HDAC4: variants seen among roughly 807,000 people sequenced by gnomAD.
The protein encoded by HDAC4 is histone deacetylase A.
A neutral mutation model predicts 135.1 loss-of-function variants in HDAC4; 16 were observed. The observed-to-expected ratio is 0.12, with a 90% CI of 0.08 to 0.18. The LOEUF (loss-of-function observed/expected upper bound fraction) is 0.18, where lower values mean the gene tolerates loss of function less well. Among genes scored for constraint, HDAC4 ranks in the 10% least tolerant of loss-of-function variants. The probability of loss-of-function intolerance (pLI) is 1.00; values close to 1 mark genes in which losing one functional copy is unlikely to be tolerated. For missense variants in HDAC4, 1,143 were observed against 1,511.8 expected (o/e 0.76, Z 4.05); for synonymous variants, 685 against 653.4 (o/e 1.05, Z -0.74).
At chr2:239,263,303 G>C (rs1326853168) in intron 2 of HDAC4, among the ~76,000 whole-genome samples, 1 of 110,978 alleles carries the variant, frequency 9.0e-6, no homozygotes, top group African/African-American at 3.9e-5. Flanking sequence ...CAGCTGTCTC[G>C]AAGCCCACCC....
intron 14 of HDAC4, among the ~76,000 whole-genome samples, chr2:239,110,635 A>C (rs1408075346): frequency 6.6e-6 from 1 of 152,244 alleles, no homozygotes; most frequent in African/African-American, 2.4e-5. Flanking sequence ...AGACTGCAGA[A>C]CACTAAGCCA....
Position 239,115,473 on chromosome 2 carries a change from A to G in HDAC4, c.1534-163T>C, listed in dbSNP as rs547881263. ...CCAGCAGGCACCTTTATCTCCCAAC[A>G]GGCACTGGGGTGCCTGAGTGCCTAA... is the stretch of plus-strand genomic sequence containing the variant. On this transcript the variant is annotated intron_variant, in intron 12 of 26. Coordinates refer to ENST00000543185, the MANE Select transcript of HDAC4 (RefSeq NM_001378414.1). The surrounding 1 kb of genome is among the most constrained non-coding windows in gnomAD (Gnocchi z 6.3). 1.3e-5 allele frequency among the ~76,000 whole-genome samples: 2 copies of G among 152,288 alleles called. No homozygotes were observed. The highest frequency in any genetic ancestry group is 3.9e-4 in the East Asian group (2 of 5,164).
chr2:239,206,449 T>C (rs1356904322), intron 3 of HDAC4, among the ~76,000 whole-genome samples: 1 of 150,494 alleles, frequency 6.6e-6, no homozygotes, highest in Non-Finnish European at 1.5e-5. Context: ...CCAAAAGAGG[T>C]GCACCATTGC....
chr2:239,375,788 G>T (rs747696339), intron 1 of HDAC4, among the ~76,000 whole-genome samples: 2 of 152,222 alleles, frequency 1.3e-5, no homozygotes, highest in Non-Finnish European at 2.9e-5. Context: ...CCCCCAGGGG[G>T]CCTGGGGAGT....
intron 11 of HDAC4, among the ~76,000 whole-genome samples, chr2:239,130,923 C>T (rs967388801): frequency 3.3e-5 from 5 of 152,204 alleles, no homozygotes; most frequent in African/African-American, 1.2e-4. Context: ...AGTTTTGCGT[C>T]CAACTAAAGC....
chr2:239,275,491 G>A (rs935296505), intron 2 of HDAC4, among the ~76,000 whole-genome samples: 1 of 152,228 alleles, frequency 6.6e-6, no homozygotes, highest in Non-Finnish European at 1.5e-5. Flanking sequence ...CTGCAAATGT[G>A]ATGGCAGTGG....
chr2:239,352,966 T>G lies in HDAC4; in HGVS notation c.-219-48A>C. On this transcript the variant is annotated intron_variant, in intron 1 of 26. Transcript: ENST00000543185. This position sits in a 1 kb window ranked among gnomAD's most constrained non-coding sequence, Gnocchi z 4.4. The stretch of plus-strand genomic sequence containing the variant: ...GAGACTGGAGTTACAACATGGAAGT[T>G]CCGATCTGGAAAACAACATCCAACT... 1 of 499,284 alleles carries G rather than the reference T, an allele frequency of 2.0e-6. No homozygotes were observed. Among genetic ancestry groups the G allele is most frequent in the African/African-American group, 1.9e-5 (1 of 51,774 alleles). 30.9% of individuals were successfully genotyped at this position (499,284 alleles called of 1,614,324 possible). A position where few individuals can be genotyped will look rare whatever the true frequency, so the allele number is the denominator to read the frequency against.
intron 22 of HDAC4, among the ~76,000 whole-genome samples, chr2:239,079,094 G>A (rs2035044318): frequency 6.6e-6 from 1 of 152,148 alleles, no homozygotes; most frequent in Non-Finnish European, 1.5e-5. Flanking sequence ...CAGTTCTCTG[G>A]GGTGACAACT....
intron 6 of HDAC4, 149 bp downstream of exon 6, chr2:239,163,653 AT>A (rs1265760546): frequency 1.2e-6 from 1 of 852,934 alleles, no homozygotes; most frequent in African/African-American, 1.7e-5. Context: ...CGTCACCCAC[AT>A]CCGAGCACCA....
chr2:239,110,830 T>G (rs145009037), intron 14 of HDAC4, among the ~76,000 whole-genome samples: 1,534 of 152,334 alleles, frequency 0.01, 17 homozygotes, highest in South Asian at 0.022. Context: ...CAGGGGTGGC[T>G]GGGTGGCGGG....
intron 2 of HDAC4, among the ~76,000 whole-genome samples, chr2:239,304,213 G>C (rs1350370422): frequency 6.6e-6 from 1 of 152,054 alleles, no homozygotes; most frequent in Non-Finnish European, 1.5e-5. Flanking sequence ...GCTCGGGGAA[G>C]AAGTCCACAC....
At chr2:239,089,501 T>C (rs2036295758) in intron 18 of HDAC4, among the ~76,000 whole-genome samples, 4 of 152,162 alleles carry the variant, frequency 2.6e-5, no homozygotes, top group Admixed American at 2.0e-4. Context: ...CTAATTTTTG[T>C]ATTTCAGTAG....
At chr2:239,087,368 AGT>A (rs1444745439) in intron 19 of HDAC4, among the ~76,000 whole-genome samples, 189 bp downstream of exon 19, 3 of 152,232 alleles carry the variant, frequency 2.0e-5, no homozygotes, top group Admixed American at 6.5e-5. Flanking sequence ...ATAACCGAGC[AGT>A]GATGCTCGCA....
In HDAC4 at chr2:239,139,707, C is replaced by T. The variant is rs76224543; in HGVS notation, c.955G>A (p.Ala319Thr). 2,122 of 1,614,018 alleles carry T rather than the reference C, an allele frequency of 1.3e-3. 43 individuals carry two copies. In the East Asian group the frequency reaches 0.037, roughly 28 times the overall value. Residue 319 changes from alanine (A) to threonine (T), a missense_variant, in exon 9 of 27, where the codon GCC becomes ACC. Ala to Thr is a moderately conservative substitution (Grantham distance 58). Around this residue, in one of 9 missense-constraint regions of HDAC4, gnomAD observed 272 missense variants for 309.7 expected, o/e 0.88. Coordinates refer to ENST00000543185, the MANE Select transcript of HDAC4 (RefSeq NM_001378414.1). The surrounding 1 kb of genome is among the most constrained non-coding windows in gnomAD (Gnocchi z 5.3). Reference sequence around the variant, plus strand: ...ACCTCCGCCGGGATGCTGGGGACGGCGGGCGCGATACCGTTCTCCGCGCTG... The same window carrying T: ...ACCTCCGCCGGGATGCTGGGGACGGTGGGCGCGATACCGTTCTCCGCGCTG... ...SVSAENGIAP[A>T]VPSIPAETSL... is the part of the protein sequence containing the mutation.
intron 1 of HDAC4, among the ~76,000 whole-genome samples, chr2:239,394,459 C>T (rs181043618): frequency 8.1e-4 from 123 of 152,336 alleles, no homozygotes; most frequent in African/African-American, 2.7e-3. Flanking sequence ...GGGCCCTGGG[C>T]GAAGCGGCTG....
intron 9 of HDAC4, among the ~76,000 whole-genome samples, chr2:239,138,994 C>A (rs576015657): frequency 6.6e-6 from 1 of 152,180 alleles, no homozygotes; most frequent in African/African-American, 2.4e-5. Context: ...GGACTCCAAG[C>A]GTCCCCTGAC....
chr2:239,074,869 A>T (rs1239931688), intron 22 of HDAC4, among the ~76,000 whole-genome samples: 1 of 152,186 alleles, frequency 6.6e-6, no homozygotes, highest in Non-Finnish European at 1.5e-5. Flanking sequence ...TGTTTAATAG[A>T]TGCTGCAAAA....
intron 12 of HDAC4, among the ~76,000 whole-genome samples, chr2:239,120,395 G>GCACACACAGAGA (rs769025619): frequency 7.3e-4 from 106 of 145,314 alleles, no homozygotes; most frequent in African/African-American, 2.7e-3. Context: ...ACACACAGAC[G>GCACACACAGAGA]CACACAGACA....
At chr2:239,311,558 T>C (rs1046804464) in intron 2 of HDAC4, among the ~76,000 whole-genome samples, 2 of 152,170 alleles carry the variant, frequency 1.3e-5, no homozygotes, top group Admixed American at 6.5e-5. Context: ...CTGAGGACTT[T>C]GTAGGAATGG....
Sources: gnomAD v4.1 joint callset for allele counts (sites outside exome capture counted in the v4.1 genomes callset) on GRCh38, gnomAD v4.1.1 for gene constraint, gnomAD v4.1.1 regional missense constraint, Gnocchi (gnomAD v3.1) non-coding constraint, MANE v1.5 for transcripts, NCBI Gene and HGNC (gene_info 2026-07-23, HGNC 2026-07-21) for gene names.